ZYX: variants seen among roughly 807,000 people sequenced by gnomAD.
ZYX encodes the protein zyxin, also known as zyxin-2.
ZYX carries 37 observed loss-of-function variants against 58.1 expected under a neutral mutation model. That is an observed-to-expected ratio of 0.64 (90% CI 0.49 to 0.84). The LOEUF is 0.84. ZYX is among the 40% of genes least tolerant of loss of function. The pLI is 0.00. For synonymous variants in ZYX, 324 were observed against 321.1 expected, an observed-to-expected ratio of 1.01 and a Z score of -0.10; for missense variants, 762 against 761.6, an observed-to-expected ratio of 1.00 and a Z score of -0.01.
Position 143,383,401 on chromosome 7 carries a change from A to G in ZYX, c.1023+79A>G. The G allele has an allele frequency of 2.7e-6, 4 of 1,461,224 alleles. No homozygotes were observed. The Admixed American group carries it at 9.6e-5, about 35-fold the overall frequency. The allele number at this position is 1,461,224 out of a possible 1,614,324, so 90.5% of individuals were successfully genotyped here. ...GGTCAGGAGCCAGAGCATAAGCATA[A>G]GGTGATTGGAGAGTCAGGGTGGACA... is the stretch of plus-strand genomic sequence containing the variant. On this transcript the variant is annotated intron_variant, in intron 5 of 9. Transcript: ENST00000322764.
intron 5 of ZYX, among the ~76,000 whole-genome samples, chr7:143,385,958 T>C (rs554645837): frequency 6.6e-6 from 1 of 151,622 alleles, no homozygotes; most frequent in East Asian, 1.9e-4. Context: ...TGTGGTATTA[T>C]CTGAATGTGA....
rs752293818 is a variant in ZYX, at chr7:143,388,173, G to A, written c.1024-46G>A. The A allele has an allele frequency of 5.2e-6, 8 of 1,552,102 alleles. No homozygotes were observed. In the South Asian group the frequency reaches 5.9e-5, roughly 11 times the overall value. On this transcript the variant is annotated intron_variant, in intron 5 of 9. Transcript: ENST00000322764. The surrounding 1 kb of genome is among the most constrained non-coding windows in gnomAD (Gnocchi z 7.5). The stretch of plus-strand genomic sequence containing the variant: ...GGTAGGCTGGCCTGGGAAGGTTCTT[G>A]GAGGCAGCAGCCCTCTAGAGTGTGA...
Position 143,390,036 on chromosome 7 carries a change from T to C in ZYX, c.1614+59T>C, listed in dbSNP as rs1269527450. 9 of 1,598,206 alleles carry C rather than the reference T, an allele frequency of 5.6e-6. No homozygotes were observed. The East Asian group carries it at 1.6e-4, about 28-fold the overall frequency. ...CTGACCAGGAGGTGGCGGGAGATGCTGCTTACTAACTGGGAGGTGGAAAGC... is the reference window on the plus strand; with the variant it reads ...CTGACCAGGAGGTGGCGGGAGATGCCGCTTACTAACTGGGAGGTGGAAAGC... On this transcript the variant is annotated intron_variant, in intron 9 of 9. Coordinates refer to ENST00000322764, the MANE Select transcript of ZYX (RefSeq NM_003461.5). This position sits in a 1 kb window ranked among gnomAD's most constrained non-coding sequence, Gnocchi z 4.3.
At position 143,384,260 on chromosome 7, in the gene ZYX, C is replaced by T. The variant is rs1247928868; in HGVS notation, c.1023+938C>T. The stretch of plus-strand genomic sequence containing the variant: ...TGCAGAATCCTGTGAGTCACAGGCA[C>T]TCAGACCAGGGAGTCAACTCGGGGA... On this transcript the variant is annotated intron_variant, in intron 5 of 9. Coordinates refer to ENST00000322764, the MANE Select transcript of ZYX (RefSeq NM_003461.5). This position sits in a 1 kb window ranked among gnomAD's most constrained non-coding sequence, Gnocchi z 4.9. 1 of 471,516 alleles carries T rather than the reference C, an allele frequency of 2.1e-6. No individual in the cohort carries two copies. Among genetic ancestry groups the T allele is most frequent in the Non-Finnish European group, 4.4e-6 (1 of 227,120 alleles). The allele number at this position is 471,516 out of a possible 1,614,324, so 29.2% of individuals were successfully genotyped here.
rs1295173120 is a variant in ZYX at position 143,387,739 on chromosome 7, G to A, written c.1024-480G>A. 1 of 471,576 alleles carries A rather than the reference G, an allele frequency of 2.1e-6. No individual in the cohort carries two copies. The highest frequency in any genetic ancestry group is 4.4e-6 in the Non-Finnish European group (1 of 227,190). The allele number at this position is 471,576 out of a possible 1,614,324, so 29.2% of individuals were successfully genotyped here. ...TGGGTTTAACCTGCAATTCCTGCCT[G>A]TGTTGTATCCTCACGCTGACAGGGG... On this transcript the variant is annotated intron_variant, in intron 5 of 9. Transcript: ENST00000322764. This position sits in a 1 kb window ranked among gnomAD's most constrained non-coding sequence, Gnocchi z 5.8.
chr7:143,384,364 T>G lies in ZYX; in HGVS notation c.1023+1042T>G, dbSNP rs1350829977. The G allele has an allele frequency of 6.9e-6, 3 of 433,732 alleles. No individual in the cohort carries two copies. In the East Asian group the frequency reaches 2.1e-4, roughly 31 times the overall value. 26.9% of individuals were successfully genotyped at this position (433,732 alleles called of 1,614,324 possible). On this transcript the variant is annotated intron_variant, in intron 5 of 9. Coordinates refer to ENST00000322764, the MANE Select transcript of ZYX (RefSeq NM_003461.5). This position sits in a 1 kb window ranked among gnomAD's most constrained non-coding sequence, Gnocchi z 4.9. ...AGAGGGATGTTTGGAGAACAGAAAG[T>G]GGAAGGTTCCTGTAGGAAAATGATA...
At chr7:143,383,440 G>A (rs1343079801) in intron 5 of ZYX, 118 bp downstream of exon 5, 4 of 1,290,340 alleles carry the variant, frequency 3.1e-6, no homozygotes, top group Non-Finnish European at 3.1e-6. Flanking sequence ...GGGTTGCGGG[G>A]TGGCGGGATA....
In ZYX at chr7:143,389,936, G is replaced by A. The variant is rs1355305812; in HGVS notation, c.1573G>A (p.Ala525Thr). Reference protein sequence around the residue: ...PGRDETVRVVALDKNFHMKCY... With the variant: ...PGRDETVRVVTLDKNFHMKCY... Reference sequence around the variant, plus strand: ...CCGAGATGAGACTGTGCGAGTGGTCGCCCTGGACAAGAACTTCCACATGAA... The same window carrying A: ...CCGAGATGAGACTGTGCGAGTGGTCACCCTGGACAAGAACTTCCACATGAA... The change falls in exon 9 of 10, where the codon GCC becomes ACC. Residue 525 changes from alanine (A) to threonine (T), a missense_variant. By Grantham distance (58) the Ala-to-Thr change is moderately conservative (BLOSUM62 0). Transcript: ENST00000322764. The surrounding 1 kb of genome is among the most constrained non-coding windows in gnomAD (Gnocchi z 5.6). 24 of 1,614,004 alleles carry A rather than the reference G, an allele frequency of 1.5e-5. No individual in the cohort carries two copies. The Admixed American group carries it at 2.8e-4, about 19-fold the overall frequency.
chr7:143,388,558 T>A lies in ZYX; in HGVS notation c.1214T>A (p.Phe405Tyr). 1 of 1,611,820 alleles carries A rather than the reference T, an allele frequency of 6.2e-7. No homozygotes were observed. The highest frequency in any genetic ancestry group is 1.7e-5 in the Admixed American group (1 of 60,016). ...GCCGTCCGCGCTCTAGGGCAGCTGT[T>A]CCACATCGCCTGCTTCACCTGCCAC... ...QPAVRALGQL[F>Y]HIACFTCHQC... Residue 405 changes from phenylalanine (F) to tyrosine (Y), a missense_variant, in exon 7 of 10, where the codon TTC becomes TAC. Transcript: ENST00000322764. This position sits in a 1 kb window ranked among gnomAD's most constrained non-coding sequence, Gnocchi z 7.5.
chr7:143,382,194 C>G, intron 2 of ZYX, 54 bp from the exon 3 acceptor site: 1 of 1,474,086 alleles, frequency 6.8e-7, no homozygotes, highest in Non-Finnish European at 9.4e-7. Flanking sequence ...CTGAGGGGAG[C>G]TTGGGTGAGG....
At position 143,388,284 on chromosome 7, in the gene ZYX, C is replaced by A. The variant is rs201002047; in HGVS notation, c.1089C>A (p.Thr363=). 3.1e-6 allele frequency: 5 copies of A among 1,613,702 alleles called. No homozygotes were observed. Among genetic ancestry groups the A allele is most frequent in the Non-Finnish European group, 4.2e-6 (5 of 1,179,786 alleles). ...LKEVEELEQL[T]QQLMQDMEHP... is the part of the protein sequence containing the mutation. ...AGGTGGAGGAGCTGGAGCAGCTGACCCAGCAGCTAATGCAGGACATGGAGC... is the reference window on the plus strand; with the variant it reads ...AGGTGGAGGAGCTGGAGCAGCTGACACAGCAGCTAATGCAGGACATGGAGC... Residue 363 remains threonine, a synonymous_variant, in exon 6 of 10, where the codon ACC becomes ACA. Transcript: ENST00000322764. The surrounding 1 kb of genome is among the most constrained non-coding windows in gnomAD (Gnocchi z 7.5).
rs1805052183 is a variant in ZYX, at chr7:143,390,942, T to C, written c.*260T>C. The C allele has an allele frequency of 4.0e-6, 2 of 499,876 alleles. No individual in the cohort carries two copies. Among genetic ancestry groups the C allele is most frequent in the Non-Finnish European group, 7.3e-6 (2 of 274,714 alleles). 31.0% of individuals were successfully genotyped at this position (499,876 alleles called of 1,614,324 possible). On this transcript the variant is annotated 3_prime_UTR_variant, in exon 10 of 10. Transcript: ENST00000322764. The surrounding 1 kb of genome is among the most constrained non-coding windows in gnomAD (Gnocchi z 4.3). ...CACCCCACCTGAGGGGGGCACCAGGTTTAGTGCTGCTGCTTTCACTGCTGC... is the reference window on the plus strand; with the variant it reads ...CACCCCACCTGAGGGGGGCACCAGGCTTAGTGCTGCTGCTTTCACTGCTGC...
chr7:143,385,211 T>C (rs1345966560), intron 5 of ZYX, among the ~76,000 whole-genome samples: 1 of 152,110 alleles, frequency 6.6e-6, no homozygotes, highest in East Asian at 1.9e-4. Context: ...TTGTGCCCTG[T>C]GGTGGGAACA....
In ZYX at chr7:143,381,854, T is replaced by A. The variant is rs1406745098; in HGVS notation, c.208+75T>A. On this transcript the variant is annotated intron_variant, in intron 2 of 9. Coordinates refer to ENST00000322764, the MANE Select transcript of ZYX (RefSeq NM_003461.5). ...GGCAGTCGTTTCGGGAATTTGGGGA[T>A]GTCTGGAAAGGTTGTTGCCGAGGGG... is the stretch of plus-strand genomic sequence containing the variant. 2.2e-6 allele frequency: 3 copies of A among 1,382,800 alleles called. No homozygotes were observed. In the African/African-American group the frequency reaches 4.4e-5, roughly 20 times the overall value. The allele number at this position is 1,382,800 out of a possible 1,614,324, so 85.7% of individuals were successfully genotyped here.
intron 5 of ZYX, 144 bp downstream of exon 5, chr7:143,383,466 T>C (rs1804737818): frequency 8.9e-7 from 1 of 1,127,922 alleles, no homozygotes; most frequent in African/African-American, 1.6e-5. Flanking sequence ...TTTCATCCTC[T>C]GGGGTTAGCC....
At chr7:143,381,858 T>C (rs1804610843) in intron 2 of ZYX, 79 bp downstream of exon 2, 1 of 1,356,044 alleles carries the variant, frequency 7.4e-7, no homozygotes, top group African/African-American at 1.5e-5. Flanking sequence ...TGGGGATGTC[T>C]GGAAAGGTTG....
At chr7:143,382,217 C>T in intron 2 of ZYX, 31 bp from the exon 3 acceptor site, 1 of 1,596,768 alleles carries the variant, frequency 6.3e-7, no homozygotes. Context: ...TAGAGGGACC[C>T]CGGCCGACGT....
In ZYX at chr7:143,389,080, A is replaced by G; in HGVS notation, c.1493+135A>G. The G allele has an allele frequency of 9.6e-7, 1 of 1,039,988 alleles. No homozygotes were observed. The highest frequency in any genetic ancestry group is 1.4e-6 in the Non-Finnish European group (1 of 727,240). The allele number at this position is 1,039,988 out of a possible 1,614,324, so 64.4% of individuals were successfully genotyped here. On this transcript the variant is annotated intron_variant, in intron 8 of 9. Transcript: ENST00000322764. The surrounding 1 kb of genome is among the most constrained non-coding windows in gnomAD (Gnocchi z 5.6). ...GTCCCATGTCCTGTCTGTAAACAGC[A>G]GGGACCAAGTCATCGGGATGTAGCT...
rs768989478 is a variant in ZYX at position 143,381,554 on chromosome 7, C to T, written c.-15-3C>T. ...CGCTGCGTAACCCGGCGACCCACCCCAGCAGCCCGGCCCGGCCATGGCGGC... is the reference window on the plus strand; with the variant it reads ...CGCTGCGTAACCCGGCGACCCACCCTAGCAGCCCGGCCCGGCCATGGCGGC... On this transcript the variant is annotated splice_region_variant and splice_polypyrimidine_tract_variant and intron_variant, in intron 1 of 9. Transcript: ENST00000322764. 7.5e-6 allele frequency: 12 copies of T among 1,605,988 alleles called. No individual in the cohort carries two copies. The African/African-American group carries it at 1.5e-4, about 20-fold the overall frequency.
Sources: allele counts gnomAD v4.1 joint callset (sites outside exome capture counted in the v4.1 genomes callset), GRCh38; gene constraint gnomAD v4.1.1; non-coding constraint Gnocchi (gnomAD v3.1); transcripts MANE v1.5; gene names NCBI Gene and HGNC (gene_info 2026-07-23, HGNC 2026-07-21).